The following FGGY variants were observed in gnomAD, a reference collection of about 807,000 sequenced individuals.
FGGY encodes FGGY carbohydrate kinase domain containing, also known as FGGY carbohydrate kinase domain-containing protein.
FGGY carries 72 observed loss-of-function variants against 71.3 expected under a neutral mutation model. That is an observed-to-expected ratio of 1.01 (90% CI 0.84 to 1.23). The LOEUF is 1.23. Ranked by LOEUF, FGGY falls within the 50% of genes most tolerant of loss-of-function variation. FGGY has a pLI of 0.00. For synonymous variants in FGGY, 251 were observed against 250.3 expected, an observed-to-expected ratio of 1.00 and a Z score of -0.02; for missense variants, 668 against 682.3, an observed-to-expected ratio of 0.98 and a Z score of 0.23.
chr1:59,667,705 T>A (rs1335116918), intron 13 of FGGY, among the ~76,000 whole-genome samples: 1 of 152,084 alleles, frequency 6.6e-6, no homozygotes, highest in Non-Finnish European at 1.5e-5. Context: ...ATACCTCTTC[T>A]GATCCACACA....
At chr1:59,523,663 C>A (rs749591676) in intron 7 of FGGY, among the ~76,000 whole-genome samples, 14 of 152,220 alleles carry the variant, frequency 9.2e-5, no homozygotes, top group Admixed American at 3.9e-4. Flanking sequence ...CATTCAACAG[C>A]AGTCCCCCCA....
chr1:59,639,093 C>T (rs2096991757), intron 11 of FGGY, among the ~76,000 whole-genome samples: 1 of 152,042 alleles, frequency 6.6e-6, no homozygotes, highest in African/African-American at 2.4e-5. Flanking sequence ...AGAAAATAAG[C>T]CATGAATGCA....
chr1:59,749,598 T>A (rs1460700303), intron 14 of FGGY, among the ~76,000 whole-genome samples: 1 of 152,114 alleles, frequency 6.6e-6, no homozygotes, highest in Non-Finnish European at 1.5e-5. Context: ...CCTTATAGAT[T>A]AACTATTCTG....
intron 8 of FGGY, among the ~76,000 whole-genome samples, chr1:59,575,291 A>G (rs781284976): frequency 4.6e-5 from 7 of 152,158 alleles, no homozygotes; most frequent in Non-Finnish European, 8.8e-5. Flanking sequence ...CCTAATAACC[A>G]ACATTCTACT....
chr1:59,633,019 C>CT (rs948484907), intron 10 of FGGY, among the ~76,000 whole-genome samples: 21 of 77,770 alleles, frequency 2.7e-4, no homozygotes, highest in East Asian at 7.5e-4. Context: ...TTTTTTTTTT[C>CT]TTTTTTTTTG....
chr1:59,381,308 G>GT (rs1164449754), intron 5 of FGGY, among the ~76,000 whole-genome samples: 2 of 152,100 alleles, frequency 1.3e-5, no homozygotes, highest in Non-Finnish European at 2.9e-5. Flanking sequence ...CTTTAAAGTA[G>GT]TTTTTTTCCA....
chr1:59,653,230 G>A (rs2097183052), intron 11 of FGGY, among the ~76,000 whole-genome samples: 1 of 152,382 alleles, frequency 6.6e-6, no homozygotes, highest in African/African-American at 2.4e-5. Context: ...TGCCCCCAGA[G>A]GTGGAGCCTA....
chr1:59,605,649 A>G (rs1286347632), intron 8 of FGGY, among the ~76,000 whole-genome samples: 1 of 152,206 alleles, frequency 6.6e-6, no homozygotes, highest in African/African-American at 2.4e-5. Flanking sequence ...TTTAAAGTTC[A>G]CAATGTTATG....
At chr1:59,370,797 A>G (rs1057292463) in intron 4 of FGGY, among the ~76,000 whole-genome samples, 6 of 151,380 alleles carry the variant, frequency 4.0e-5, no homozygotes, top group Non-Finnish European at 7.4e-5. Context: ...TTTCATATCC[A>G]GCCAAATTAA....
At chr1:59,516,095 A>G (rs1390667744) in intron 7 of FGGY, among the ~76,000 whole-genome samples, 1 of 152,088 alleles carries the variant, frequency 6.6e-6, no homozygotes, top group Non-Finnish European at 1.5e-5. Flanking sequence ...ATGCCTTCTT[A>G]TGCCTTCTTA....
intron 7 of FGGY, among the ~76,000 whole-genome samples, chr1:59,529,983 TTTTAA>T (rs774697532): frequency 1.3e-5 from 2 of 152,364 alleles, no homozygotes; most frequent in Non-Finnish European, 2.9e-5. Flanking sequence ...TATTTTTCCT[TTTTAA>T]TTTGAAATAG....
chr1:59,379,408 T>A (rs974200090), intron 5 of FGGY, among the ~76,000 whole-genome samples: 1 of 152,126 alleles, frequency 6.6e-6, no homozygotes, highest in Non-Finnish European at 1.5e-5. Flanking sequence ...TGCACAGTGG[T>A]ACTTATTTGT....
intron 5 of FGGY, among the ~76,000 whole-genome samples, chr1:59,448,792 T>C (rs1014197585): frequency 1.3e-5 from 2 of 152,276 alleles, no homozygotes; most frequent in Middle Eastern, 3.4e-3. Context: ...GAAGGCCAGA[T>C]AGAGCATCAA....
chr1:59,562,764 A>G (rs1278479308), intron 8 of FGGY, among the ~76,000 whole-genome samples: 2 of 152,254 alleles, frequency 1.3e-5, no homozygotes, highest in Admixed American at 1.3e-4. Context: ...AACAAGGGCC[A>G]GGAAAGTAGG....
intron 1 of FGGY, among the ~76,000 whole-genome samples, chr1:59,308,768 C>T (rs1464974367): frequency 6.6e-6 from 1 of 152,168 alleles, no homozygotes; most frequent in Non-Finnish European, 1.5e-5. Context: ...TTGAGAACCA[C>T]TGTATTGCAT....
chr1:59,693,882 C>G (rs2097622014), intron 14 of FGGY, among the ~76,000 whole-genome samples: 1 of 151,984 alleles, frequency 6.6e-6, no homozygotes, highest in Admixed American at 6.6e-5. Context: ...TGGTGTATGC[C>G]TATAGTCTCA....
intron 4 of FGGY, among the ~76,000 whole-genome samples, chr1:59,373,264 T>C (rs2058038154): frequency 6.6e-6 from 1 of 152,136 alleles, no homozygotes; most frequent in East Asian, 1.9e-4. Flanking sequence ...TATACACCAA[T>C]AACAGACAAA....
chr1:59,350,819 G>A (rs536983867), intron 4 of FGGY, among the ~76,000 whole-genome samples: 1 of 152,258 alleles, frequency 6.6e-6, no homozygotes, highest in African/African-American at 2.4e-5. Context: ...CTGAAACATG[G>A]ACTAGAAAAT....
intron 9 of FGGY, among the ~76,000 whole-genome samples, chr1:59,615,465 C>A (rs1043279926): frequency 3.1e-4 from 47 of 152,138 alleles, no homozygotes; most frequent in African/African-American, 1.1e-3. Context: ...GAAACTGGAT[C>A]CCTTCCTTAC....
Sources: allele counts gnomAD v4.1 joint callset (sites outside exome capture counted in the v4.1 genomes callset), GRCh38; gene constraint gnomAD v4.1.1; transcripts MANE v1.5; gene names NCBI Gene and HGNC (gene_info 2026-07-23, HGNC 2026-07-21).